The following CFAP36 variants were observed in gnomAD, a reference collection of about 807,000 sequenced individuals.
CFAP36 encodes the protein cilia and flagella associated protein 36.
In CFAP36, 37 loss-of-function variants were observed where a neutral mutation model predicts 50.5. That is an observed-to-expected ratio of 0.73 (90% CI 0.56 to 0.96). The LOEUF (loss-of-function observed/expected upper bound fraction) is 0.96, where lower values mean the gene tolerates loss of function less well. Among genes scored for constraint, CFAP36 ranks in the 50% least tolerant of loss-of-function variants. The pLI, the probability that CFAP36 is intolerant of heterozygous loss-of-function variation, is 0.00. For synonymous variants in CFAP36, 138 were observed against 128.2 expected (o/e 1.08, Z -0.52); for missense variants, 407 against 396.2 (o/e 1.03, Z -0.23).
chr2:55,536,453 T>C (rs770160716), intron 6 of CFAP36, among the ~76,000 whole-genome samples: 1 of 151,546 alleles, frequency 6.6e-6, no homozygotes, highest in Admixed American at 6.6e-5. Context: ...TATACTCTTT[T>C]ATTTATTTAT....
intron 7 of CFAP36, among the ~76,000 whole-genome samples, chr2:55,540,753 G>A (rs1316705384): frequency 6.6e-6 from 1 of 152,186 alleles, no homozygotes; most frequent in Non-Finnish European, 1.5e-5. Flanking sequence ...GCTCATGCCT[G>A]TAATCCTAGC....
Position 55,519,832 on chromosome 2 carries a change from TG to T in CFAP36, c.34del (p.Val12Ter). The T allele has an allele frequency of 6.2e-7, 1 of 1,614,002 alleles. No homozygotes were observed. The highest frequency in any genetic ancestry group is 2.2e-5 in the East Asian group (1 of 44,858). MAAEEEDEVE[W>X]VVESIAGFLR... ...TGCGGAAGAAGAAGACGAGGTGGAGTGGGTAGTGGAGAGCATCGCGGGGTTC... is the reference window on the plus strand; with the variant it reads ...TGCGGAAGAAGAAGACGAGGTGGAGTGGTAGTGGAGAGCATCGCGGGGTTC... On this transcript the variant is annotated frameshift_variant, in exon 1 of 10. Transcript: ENST00000349456. LOFTEE classifies it high-confidence loss of function.
chr2:55,542,313 A>G (rs1001142982), intron 7 of CFAP36, among the ~76,000 whole-genome samples: 9 of 151,966 alleles, frequency 5.9e-5, no homozygotes, highest in Admixed American at 1.3e-4. Flanking sequence ...AATGATTTCA[A>G]TTTTTAAAAT....
intron 6 of CFAP36, 137 bp from the exon 7 acceptor site, chr2:55,537,346 G>A (rs1197950941): frequency 4.0e-5 from 23 of 569,754 alleles, no homozygotes; most frequent in Non-Finnish European, 7.0e-5. Context: ...ACTCCAGTCT[G>A]GGTGACAGAG....
In CFAP36 at chr2:55,544,028, T is replaced by C. The variant is rs753451365; in HGVS notation, c.731T>C (p.Leu244Pro). Residue 244 changes from leucine to proline, a missense_variant, in exon 8 of 10, where the codon CTG (leucine) becomes CCG (proline). Physicochemically the swap from Leu to Pro is moderately conservative, Grantham distance 98. Coordinates refer to ENST00000349456, the MANE Select transcript of CFAP36 (RefSeq NM_080667.7). ...ACTTCCTCCCTCCCACAAAAAGACC[T>C]GAAGATTCCTGGCTTAGAGCATGCG... ...SETSSLPQKD[L>P]KIPGLEHASI... is the part of the protein sequence containing the mutation. 6.2e-7 allele frequency: 1 copy of C among 1,614,012 alleles called. No individual in the cohort carries two copies. The highest frequency in any genetic ancestry group is 8.5e-7 in the Non-Finnish European group (1 of 1,179,946).
chr2:55,523,909 C>T (rs1429872888), intron 3 of CFAP36, 87 bp downstream of exon 3: 3 of 813,882 alleles, frequency 3.7e-6, no homozygotes, highest in Non-Finnish European at 5.7e-6. Context: ...GTTTGATTGA[C>T]AAAGTGTAAT....
chr2:55,529,421 C>CAAA (rs562874118), intron 4 of CFAP36, among the ~76,000 whole-genome samples: 5 of 121,204 alleles, frequency 4.1e-5, no homozygotes, highest in Non-Finnish European at 8.8e-5. Flanking sequence ...GACCCTGTCT[C>CAAA]AAAAAAAAAA....
At chr2:55,543,368 C>T (rs1176630257) in intron 7 of CFAP36, among the ~76,000 whole-genome samples, 1 of 152,096 alleles carries the variant, frequency 6.6e-6, no homozygotes, top group Non-Finnish European at 1.5e-5. Flanking sequence ...TATGTGCTTC[C>T]AAGTTCTGCT....
chr2:55,520,547 G>C (rs1273254433), intron 1 of CFAP36: 1 of 1,222,212 alleles, frequency 8.2e-7, no homozygotes, highest in African/African-American at 1.5e-5. Flanking sequence ...TGGAACAAAT[G>C]AGGCGTATAG....
At chr2:55,524,864 C>T (rs1020299476) in intron 3 of CFAP36, among the ~76,000 whole-genome samples, 1 of 151,960 alleles carries the variant, frequency 6.6e-6, no homozygotes, top group South Asian at 2.1e-4. Context: ...GCCTGTAATC[C>T]CAGCTACTTG....
At chr2:55,540,258 T>C (rs995381708) in intron 7 of CFAP36, among the ~76,000 whole-genome samples, 1 of 152,228 alleles carries the variant, frequency 6.6e-6, no homozygotes, top group Non-Finnish European at 1.5e-5. Context: ...TTTTATAGTT[T>C]TACATTTTAC....
intron 3 of CFAP36, 27 bp from the exon 4 acceptor site, chr2:55,528,851 C>T: frequency 7.1e-7 from 1 of 1,414,644 alleles, no homozygotes; most frequent in South Asian, 1.3e-5. Context: ...CTTGAATCTT[C>T]ATTTCACTTG....
chr2:55,536,023 A>C, intron 6 of CFAP36: 1 of 588,054 alleles, frequency 1.7e-6, no homozygotes, highest in South Asian at 8.7e-5. Context: ...CTTACAGGAC[A>C]TGCATATAAG....
At chr2:55,531,891 G>T (rs2103649885) in intron 4 of CFAP36, among the ~76,000 whole-genome samples, 1 of 152,326 alleles carries the variant, frequency 6.6e-6, no homozygotes, top group African/African-American at 2.4e-5. Flanking sequence ...TTCTGCAAAA[G>T]CTGGCTTCTA....
chr2:55,538,591 G>C (rs1375289406), intron 7 of CFAP36, among the ~76,000 whole-genome samples: 1 of 151,480 alleles, frequency 6.6e-6, no homozygotes, highest in Non-Finnish European at 1.5e-5. Context: ...ACTGTGCCTG[G>C]CTACTCTTAT....
At chr2:55,530,790 A>AT (rs906322820) in intron 4 of CFAP36, among the ~76,000 whole-genome samples, 14 of 152,174 alleles carry the variant, frequency 9.2e-5, no homozygotes, top group Non-Finnish European at 1.8e-4. Flanking sequence ...TTGCCATGAT[A>AT]TTTTTTTACC....
chr2:55,542,096 T>C (rs1176722465), intron 7 of CFAP36, among the ~76,000 whole-genome samples: 2 of 152,212 alleles, frequency 1.3e-5, no homozygotes, highest in Non-Finnish European at 2.9e-5. Context: ...TAGGTTTGTC[T>C]GTGCTCTAGT....
chr2:55,529,413 C>A (rs1002417292), intron 4 of CFAP36, among the ~76,000 whole-genome samples: 2 of 150,182 alleles, frequency 1.3e-5, no homozygotes, highest in Admixed American at 6.6e-5. Context: ...CAGAGTGAGA[C>A]CCTGTCTCAA....
chr2:55,543,338 GTATT>G (rs916295362), intron 7 of CFAP36, among the ~76,000 whole-genome samples: 4 of 152,136 alleles, frequency 2.6e-5, no homozygotes, highest in African/African-American at 9.7e-5. Context: ...TGGCTGGAAA[GTATT>G]TAGTGCTCAT....
Sources: gnomAD v4.1 joint callset for allele counts (sites outside exome capture counted in the v4.1 genomes callset) on GRCh38, gnomAD v4.1.1 for gene constraint, MANE v1.5 for transcripts, NCBI Gene and HGNC (gene_info 2026-07-23, HGNC 2026-07-21) for gene names.